The following CASP6 variants were observed in gnomAD, a reference collection of about 807,000 sequenced individuals.
The protein encoded by CASP6 is caspase-6.
Under a neutral mutation model 31.8 loss-of-function variants are expected in CASP6, and 20 were observed. That is an observed-to-expected ratio of 0.63 (90% CI 0.44 to 0.91). The LOEUF is 0.91. CASP6 is among the 40% of genes least tolerant of loss of function. CASP6 has a pLI of 0.00. For missense variants in CASP6, 328 were observed against 361.1 expected, an observed-to-expected ratio of 0.91 and a Z score of 0.74; for synonymous variants, 130 against 127.8, an observed-to-expected ratio of 1.02 and a Z score of -0.12.
chr4:109,667,381 A>G, the CASP6 span, among the ~76,000 whole-genome samples: 17 of 152,094 alleles, frequency 1.1e-4, no homozygotes, highest in East Asian at 3.1e-3. Flanking sequence ...AGAGTTGTTC[A>G]TAGTATTTCT....
downstream of CASP6, chr4:109,687,372 A>C (rs1183649477): frequency 6.9e-6 from 4 of 582,096 alleles, no homozygotes; most frequent in African/African-American, 3.8e-5. Flanking sequence ...AAAAATATAT[A>C]TATATTTCAG....
chr4:109,665,055 A>G, the CASP6 span, among the ~76,000 whole-genome samples: 2 of 152,220 alleles, frequency 1.3e-5, no homozygotes, highest in Non-Finnish European at 2.9e-5. Context: ...TATTGTCAAT[A>G]TCCCACACCA....
At chr4:109,700,584 T>TTTTTTTTAAG (rs1730389501) in intron 1 of CASP6, among the ~76,000 whole-genome samples, 1 of 151,542 alleles carries the variant, frequency 6.6e-6, no homozygotes, top group African/African-American at 2.4e-5. Context: ...AGTGAGGGAT[T>TTTTTTTTAAG]TTTTTTTTAA....
downstream of CASP6, chr4:109,684,577 G>A (rs75014005): frequency 4.4e-4 from 701 of 1,606,946 alleles, 3 homozygotes; most frequent in African/African-American, 8.5e-3. Context: ...ATATCATGGA[G>A]CCAGTTACAT....
At chr4:109,679,877 C>T in the CASP6 span, among the ~76,000 whole-genome samples, 2 of 152,158 alleles carry the variant, frequency 1.3e-5, no homozygotes, top group Non-Finnish European at 2.9e-5. Context: ...TCTCGGCTCA[C>T]TGCAACCTCT....
In CASP6 at chr4:109,689,439, T is replaced by C; in HGVS notation, c.773A>G (p.Gln258Arg). 1 of 1,614,230 alleles carries C rather than the reference T, an allele frequency of 6.2e-7. No homozygotes were observed. The highest frequency in any genetic ancestry group is 1.1e-5 in the South Asian group (1 of 91,090). ...LLTLVNRKVS[Q>R]RRVDFCKDPS... ...GTCTTTGCAAAAGTCCACTCGGCGC[T>C]GAGAAACTTTCCTGTTCACCAGTGT... Residue 258 changes from glutamine (Q) to arginine (R), a missense_variant, in exon 7 of 7, where the codon CAG becomes CGG. Physicochemically the swap from Gln to Arg is conservative, Grantham distance 43. Coordinates refer to ENST00000265164, the MANE Select transcript of CASP6 (RefSeq NM_001226.4).
chr4:109,666,907 A>C, the CASP6 span, among the ~76,000 whole-genome samples: 1 of 152,128 alleles, frequency 6.6e-6, no homozygotes, highest in African/African-American at 2.4e-5. Flanking sequence ...TTCATATTCA[A>C]GTGTTGAGCC....
upstream of CASP6, chr4:109,703,492 G>T: frequency 6.8e-7 from 1 of 1,467,158 alleles, no homozygotes; most frequent in Non-Finnish European, 9.2e-7. Context: ...CGGCGGCCCC[G>T]CCCCCTGCCC....
chr4:109,684,329 T>G, downstream of CASP6: 2 of 723,906 alleles, frequency 2.8e-6, no homozygotes, highest in Non-Finnish European at 4.5e-6. Flanking sequence ...CCCAGAGTGC[T>G]GAGATTACAG....
rs1167776565 is a variant in CASP6 at position 109,689,348 on chromosome 4, G to T, written c.864C>A (p.Phe288Leu). The change falls in exon 7 of 7, where the codon TTC (phenylalanine) becomes TTA (leucine). Residue 288 changes from phenylalanine to leucine, a missense_variant. By Grantham distance (22) the Phe-to-Leu change is conservative. Coordinates refer to ENST00000265164, the MANE Select transcript of CASP6 (RefSeq NM_001226.4). ...FASMLTKKLH[F>L]FPKSN ...CTATTAATTAATTAGATTTTGGAAAGAAATGCAGCTTTTTAGTTAGCATTG... is the reference window on the plus strand; with the variant it reads ...CTATTAATTAATTAGATTTTGGAAATAAATGCAGCTTTTTAGTTAGCATTG... 6.2e-6 allele frequency: 10 copies of T among 1,613,838 alleles called. No homozygotes were observed. Among genetic ancestry groups the T allele is most frequent in the Non-Finnish European group, 8.5e-6 (10 of 1,179,910 alleles).
chr4:109,670,020 G>A, the CASP6 span, among the ~76,000 whole-genome samples: 1 of 152,244 alleles, frequency 6.6e-6, no homozygotes, highest in African/African-American at 2.4e-5. Context: ...TCTGGCTCTC[G>A]TTCTGATGCT....
the CASP6 span, among the ~76,000 whole-genome samples, chr4:109,667,875 T>C: frequency 6.6e-6 from 1 of 151,902 alleles, no homozygotes; most frequent in Non-Finnish European, 1.5e-5. Context: ...AATATTTTAA[T>C]TTTTTTCTTG....
chr4:109,684,778 T>C (rs1248973622), downstream of CASP6: 1 of 585,784 alleles, frequency 1.7e-6, no homozygotes, highest in East Asian at 2.8e-5. Context: ...GTAAATTTTT[T>C]ATTGTTTTTC....
intron 5 of CASP6, among the ~76,000 whole-genome samples, chr4:109,694,082 G>A (rs894441117): frequency 6.6e-6 from 1 of 152,140 alleles, no homozygotes. Context: ...AAACAATCTT[G>A]GTTTAAGGGG....
At chr4:109,695,407 C>G (rs1183254892) in intron 4 of CASP6, among the ~76,000 whole-genome samples, 1 of 152,072 alleles carries the variant, frequency 6.6e-6, no homozygotes, top group Non-Finnish European at 1.5e-5. Context: ...AGTGGAAAGA[C>G]CCAGAAACTG....
the CASP6 span, among the ~76,000 whole-genome samples, chr4:109,679,034 C>T: frequency 1.3e-5 from 2 of 151,262 alleles, no homozygotes; most frequent in African/African-American, 4.9e-5. Flanking sequence ...GGCAGAGGCG[C>T]TCCTCTCTTC....
At chr4:109,697,270 T>A (rs988295640) in intron 3 of CASP6, among the ~76,000 whole-genome samples, 13 of 152,098 alleles carry the variant, frequency 8.5e-5, no homozygotes, top group African/African-American at 2.7e-4. Flanking sequence ...TGGAAAAAAA[T>A]TATTTTATTT....
At chr4:109,704,364 G>C (rs1730534368), upstream of CASP6, among the ~76,000 whole-genome samples, 1 of 152,242 alleles carries the variant, frequency 6.6e-6, no homozygotes, top group African/African-American at 2.4e-5. Context: ...AATTAAAAAT[G>C]CTACTCCAGT....
downstream of CASP6, among the ~76,000 whole-genome samples, chr4:109,686,369 C>T (rs1477585316): frequency 6.6e-6 from 1 of 152,174 alleles, no homozygotes; most frequent in East Asian, 1.9e-4. Context: ...AAACTCCTAA[C>T]CTCAAGTGAT....
Sources: allele counts gnomAD v4.1 joint callset (sites outside exome capture counted in the v4.1 genomes callset), GRCh38; gene constraint gnomAD v4.1.1; transcripts MANE v1.5; gene names NCBI Gene and HGNC (gene_info 2026-07-23, HGNC 2026-07-21).